Variants in ARHGEF18 observed in about 807,000 individuals in gnomAD.
ARHGEF18 encodes Rho/Rac guanine nucleotide exchange factor 18, also known as rho guanine nucleotide exchange factor 18.
A neutral mutation model predicts 155.7 loss-of-function variants in ARHGEF18; 93 were observed. The ratio of observed to expected loss-of-function variants is 0.60; its 90% CI spans 0.50 to 0.71. ARHGEF18 has a LOEUF of 0.71. Among genes scored for constraint, ARHGEF18 ranks in the 30% least tolerant of loss-of-function variants. The pLI, the probability that ARHGEF18 is intolerant of heterozygous loss-of-function variation, is 0.00. For synonymous variants in ARHGEF18, 742 were observed against 753.1 expected (o/e 0.99, Z 0.24); for missense variants, 1,593 against 1,816.1 (o/e 0.88, Z 2.23).
chr19:7,414,343 C>T (rs904604624), intron 10 of ARHGEF18, among the ~76,000 whole-genome samples: 8 of 152,130 alleles, frequency 5.3e-5, no homozygotes, highest in Non-Finnish European at 8.8e-5. Flanking sequence ...GAAACAACTT[C>T]GGGGTTTCAG....
At chr19:7,448,495 A>G (rs1368464180) in intron 15 of ARHGEF18, among the ~76,000 whole-genome samples, 2 of 152,086 alleles carry the variant, frequency 1.3e-5, no homozygotes, top group African/African-American at 4.8e-5. Context: ...CCTGGTCTCT[A>G]CTAAAAGTAC....
At chr19:7,453,780 GTGGTGGGCA>G in intron 17 of ARHGEF18, 65 bp downstream of exon 17, 1 of 1,488,740 alleles carries the variant, frequency 6.7e-7, no homozygotes, top group South Asian at 1.4e-5. Flanking sequence ...CTGTCTTGGA[GTGGTGGGCA>G]CTGTCTTAGA....
At chr19:7,460,796 CTT>C (rs911811817) in intron 20 of ARHGEF18, among the ~76,000 whole-genome samples, 2 of 145,432 alleles carry the variant, frequency 1.4e-5, no homozygotes, top group Non-Finnish European at 3.0e-5. Flanking sequence ...ATTTTATCTT[CTT>C]TTTTTTTTTT....
At chr19:7,408,094 C>T (rs1193548312) in intron 10 of ARHGEF18, among the ~76,000 whole-genome samples, 1 of 151,102 alleles carries the variant, frequency 6.6e-6, no homozygotes, top group Non-Finnish European at 1.5e-5. Context: ...GCCTGGGTAA[C>T]GTGGTGAAAC....
intron 10 of ARHGEF18, among the ~76,000 whole-genome samples, chr19:7,413,650 T>A (rs1972830571): frequency 6.6e-6 from 1 of 152,144 alleles, no homozygotes; most frequent in African/African-American, 2.4e-5. Context: ...TAGTTCCAGC[T>A]ACTTGGGAGA....
At position 7,444,286 on chromosome 19, in the gene ARHGEF18, G is replaced by A. The variant is rs1338567013; in HGVS notation, c.1443G>A (p.Leu481=). 1 of 1,613,574 alleles carries A rather than the reference G, an allele frequency of 6.2e-7. No homozygotes were observed. Among genetic ancestry groups the A allele is most frequent in the African/African-American group, 1.3e-5 (1 of 74,936 alleles). ...KVYSRALQEE[L]QFSSKAIGRL... Reference sequence around the variant, plus strand: ...ACTCCAGGGCCCTGCAGGAGGAGCTGCAGTTCAGCAGCAAGGCCATTGGCC... The same window carrying A: ...ACTCCAGGGCCCTGCAGGAGGAGCTACAGTTCAGCAGCAAGGCCATTGGCC... The change falls in exon 14 of 29, where the codon CTG becomes CTA. Residue 481 remains leucine, a synonymous_variant. Coordinates refer to ENST00000668164, the MANE Select transcript of ARHGEF18 (RefSeq NM_001367823.1). This position sits in a 1 kb window ranked among gnomAD's most constrained non-coding sequence, Gnocchi z 4.7.
At chr19:7,456,259 G>A (rs571265895) in intron 17 of ARHGEF18, 68 bp from the exon 18 acceptor site, 70 of 1,430,266 alleles carry the variant, frequency 4.9e-5, no homozygotes, top group Non-Finnish European at 5.9e-5. Flanking sequence ...TGGCATCCGC[G>A]GGGGTGGCCA....
chr19:7,367,314 A>G (rs374518785), intron 2 of ARHGEF18, among the ~76,000 whole-genome samples: 35 of 152,236 alleles, frequency 2.3e-4, no homozygotes, highest in African/African-American at 8.2e-4. Flanking sequence ...TTTGAAAACC[A>G]TCTGCCCTGT....
rs189941665 is a variant in ARHGEF18, at chr19:7,424,771, G to A, written c.968-15573G>A. Among the ~76,000 whole-genome samples the A allele has an allele frequency of 4.6e-4, 70 of 152,208 alleles. No individual in the cohort carries two copies. In the East Asian group the frequency reaches 0.012, roughly 26 times the overall value. Reference sequence around the variant, plus strand: ...AGCACTTTGGGAGGCCGAGGCGGGCGGATCACGAGTTCAGGAGATCGGGAC... The same window carrying A: ...AGCACTTTGGGAGGCCGAGGCGGGCAGATCACGAGTTCAGGAGATCGGGAC... On this transcript the variant is annotated intron_variant, in intron 10 of 28. Transcript: ENST00000668164.
At chr19:7,416,159 A>G (rs1212463962) in intron 10 of ARHGEF18, among the ~76,000 whole-genome samples, 4 of 152,166 alleles carry the variant, frequency 2.6e-5, no homozygotes, top group Non-Finnish European at 5.9e-5. Context: ...GCACACTGGG[A>G]GGCCTAGGCA....
At chr19:7,424,630 T>C (rs1369293648) in intron 10 of ARHGEF18, among the ~76,000 whole-genome samples, 1 of 152,126 alleles carries the variant, frequency 6.6e-6, no homozygotes, top group African/African-American at 2.4e-5. Context: ...CATTTGTAAG[T>C]GATGGTAAGA....
At chr19:7,410,612 C>A (rs1029663516) in intron 10 of ARHGEF18, among the ~76,000 whole-genome samples, 1 of 151,750 alleles carries the variant, frequency 6.6e-6, no homozygotes, top group Non-Finnish European at 1.5e-5. Flanking sequence ...GAGTTCGAGA[C>A]CAGCCTGGCC....
rs200399109 is a variant in ARHGEF18, at chr19:7,464,625, A to C, written c.2839A>C (p.Asn947His). 13 of 1,613,846 alleles carry C rather than the reference A, an allele frequency of 8.1e-6. No individual in the cohort carries two copies. In the African/African-American group the frequency reaches 1.6e-4, roughly 20 times the overall value. The change falls in exon 23 of 29, where the codon AAC (asparagine) becomes CAC (histidine). Residue 947 changes from asparagine (N) to histidine (H), a missense_variant. Asn to His is a moderately conservative substitution (Grantham distance 68). Coordinates refer to ENST00000668164, the MANE Select transcript of ARHGEF18 (RefSeq NM_001367823.1). ...PRPRDWRGPPNSPDLKLSDSD... is the reference protein window; with the variant it reads ...PRPRDWRGPPHSPDLKLSDSD... ...GCCCCGAGACTGGCGAGGCCCCCCA[A>C]ACAGCCCGGACTTGAAGCTCAGTGA...
intron 8 of ARHGEF18, among the ~76,000 whole-genome samples, chr19:7,381,822 C>T (rs898599249): frequency 6.6e-6 from 1 of 151,988 alleles, no homozygotes; most frequent in Non-Finnish European, 1.5e-5. Context: ...TCCCTGAATC[C>T]CTCTCTCTCC....
intron 1 of ARHGEF18, among the ~76,000 whole-genome samples, chr19:7,362,070 G>GACAA (rs1568264710): frequency 6.7e-5 from 2 of 29,874 alleles, no homozygotes; most frequent in African/African-American, 2.6e-4. Flanking sequence ...AGAAGGAGAA[G>GACAA]GAGAAGGAGA....
chr19:7,400,067 G>A (rs967551100), intron 10 of ARHGEF18, among the ~76,000 whole-genome samples: 4 of 151,970 alleles, frequency 2.6e-5, no homozygotes, highest in East Asian at 1.9e-4. Flanking sequence ...CACCATGCAC[G>A]GCTTCATACA....
chr19:7,468,580 G>A (rs1391364282), intron 26 of ARHGEF18, among the ~76,000 whole-genome samples: 1 of 152,174 alleles, frequency 6.6e-6, no homozygotes, highest in East Asian at 1.9e-4. Context: ...GAACAGATGT[G>A]GACACGGATG....
intron 5 of ARHGEF18, 38 bp downstream of exon 5, chr19:7,376,795 C>G (rs1970480192): frequency 2.5e-6 from 3 of 1,210,538 alleles, no homozygotes; most frequent in Non-Finnish European, 2.1e-6. Context: ...CAAACCAAGT[C>G]AGGGAAAGAG....
At chr19:7,402,071 T>A (rs186576175) in intron 10 of ARHGEF18, among the ~76,000 whole-genome samples, 1 of 151,030 alleles carries the variant, frequency 6.6e-6, no homozygotes, top group East Asian at 1.9e-4. Context: ...GGTAGTGGAG[T>A]GGGGAGTAAT....
Sources: allele counts gnomAD v4.1 joint callset (sites outside exome capture counted in the v4.1 genomes callset), GRCh38; gene constraint gnomAD v4.1.1; non-coding constraint Gnocchi (gnomAD v3.1); transcripts MANE v1.5; gene names NCBI Gene and HGNC (gene_info 2026-07-23, HGNC 2026-07-21).